CACNA1H: variants seen among roughly 807,000 people sequenced by gnomAD.
CACNA1H encodes calcium voltage-gated channel subunit alpha1 H, also known as voltage-dependent T-type calcium channel subunit alpha-1H.
Under a neutral mutation model 192.5 loss-of-function variants are expected in CACNA1H, and 149 were observed. That is an observed-to-expected ratio of 0.77 (90% CI 0.68 to 0.89). CACNA1H has a LOEUF of 0.89. CACNA1H is among the 40% of genes least tolerant of loss of function. CACNA1H has a pLI of 0.00. For missense variants in CACNA1H, 4,257 were observed against 3,423.5 expected, an observed-to-expected ratio of 1.24 and a Z score of -6.08; for synonymous variants, 2,202 against 1,475.2, an observed-to-expected ratio of 1.49 and a Z score of -11.29.
intron 2 of CACNA1H, among the ~76,000 whole-genome samples, chr16:1,168,189 G>C (rs538743849): frequency 2.0e-5 from 3 of 149,902 alleles, no homozygotes; most frequent in Non-Finnish European, 4.4e-5. Context: ...CGGTTGATGT[G>C]GGATCCCCCC....
chr16:1,189,062 G>A (rs1026022100), intron 2 of CACNA1H, among the ~76,000 whole-genome samples: 2 of 148,614 alleles, frequency 1.3e-5, no homozygotes, highest in African/African-American at 5.3e-5. Context: ...TGCCCATGTG[G>A]GAAGGGGAGC....
chr16:1,153,857 G>A lies in CACNA1H; in HGVS notation c.120G>A (p.Ala40=). 2 of 1,343,862 alleles carry A rather than the reference G, an allele frequency of 1.5e-6. No individual in the cohort carries two copies. The highest frequency in any genetic ancestry group is 3.5e-5 in the South Asian group (2 of 56,370). 83.2% of individuals were successfully genotyped at this position (1,343,862 alleles called of 1,614,324 possible). The change falls in exon 2 of 35, where the codon GCG becomes GCA. Residue 40 remains alanine, a synonymous_variant. Coordinates refer to ENST00000348261, the MANE Select transcript of CACNA1H (RefSeq NM_021098.3). The part of the protein sequence containing the change: ...PESPGAPGRE[A]ERGSELGVSP... ...GCCCCGGGGCGCCGGGACGCGAGGC[G>A]GAGCGGGGGTCCGAGCTCGGCGTGT...
At chr16:1,158,291 C>T (rs377151796) in intron 2 of CACNA1H, among the ~76,000 whole-genome samples, 247 of 152,262 alleles carry the variant, frequency 1.6e-3, no homozygotes, top group African/African-American at 5.7e-3. Flanking sequence ...GGCCTTCCCA[C>T]TCACCAAGAG....
At chr16:1,206,405 A>G (rs1968716498) in intron 12 of CACNA1H, 116 bp downstream of exon 12, 2 of 926,954 alleles carry the variant, frequency 2.2e-6, no homozygotes. Context: ...GCCCCAGAGC[A>G]TCTGCAGACA....
chr16:1,194,338 A>G (rs1284238781), intron 2 of CACNA1H, among the ~76,000 whole-genome samples: 4 of 152,134 alleles, frequency 2.6e-5, no homozygotes, highest in African/African-American at 7.2e-5. Context: ...TACCTTAAGG[A>G]AGGTCCCTCC....
rs765181693 is a variant in CACNA1H, at chr16:1,154,036, C to G, written c.299C>G (p.Pro100Arg). ...RSWCLRLVCNPWFEHVSMLVI... is the reference protein window; with the variant it reads ...RSWCLRLVCNRWFEHVSMLVI... ...TGGTGCCTCCGGCTGGTCTGCAACCCATATCCTTCCCGGCCGGCGGGGGGC... is the reference window on the plus strand; with the variant it reads ...TGGTGCCTCCGGCTGGTCTGCAACCGATATCCTTCCCGGCCGGCGGGGGGC... The change falls in exon 2 of 35, where the codon CCA becomes CGA. Residue 100 changes from proline to arginine, a missense_variant and splice_region_variant. By Grantham distance (103) the Pro-to-Arg change is moderately radical. Transcript: ENST00000348261. 2.3e-6 allele frequency: 3 copies of G among 1,298,222 alleles called. No homozygotes were observed. The South Asian group carries it at 6.4e-5, about 28-fold the overall frequency. 80.4% of individuals were successfully genotyped at this position (1,298,222 alleles called of 1,614,324 possible).
Position 1,220,736 on chromosome 16 carries a change from T to C in CACNA1H, c.6804T>C (p.Phe2268=), listed in dbSNP as rs766207096. The change falls in exon 35 of 35, where the codon TTT becomes TTC. Residue 2268 remains phenylalanine, a synonymous_variant. Transcript: ENST00000348261. ...ACCTGACCGTCCCCAGCTTTGCCTT[T>C]GAGCCGCTGGACCTCGGGGTCCCCA... The part of the protein sequence containing the change: ...AEHLTVPSFA[F]EPLDLGVPSG... 1 of 1,612,218 alleles carries C rather than the reference T, an allele frequency of 6.2e-7. No homozygotes were observed. Among genetic ancestry groups the C allele is most frequent in the Non-Finnish European group, 8.5e-7 (1 of 1,179,694 alleles).
intron 27 of CACNA1H, 81 bp from the exon 28 acceptor site, chr16:1,214,891 A>C: frequency 9.3e-7 from 1 of 1,069,792 alleles, no homozygotes. Flanking sequence ...CAGCGGGGGC[A>C]CTCGGGCGTG....
chr16:1,174,795 C>G (rs1400380528), intron 2 of CACNA1H, among the ~76,000 whole-genome samples: 6 of 152,246 alleles, frequency 3.9e-5, no homozygotes, highest in African/African-American at 1.4e-4. Context: ...TCGATTCAGA[C>G]ATGGACGAGA....
intron 2 of CACNA1H, among the ~76,000 whole-genome samples, chr16:1,156,232 A>G (rs946969685): frequency 7.2e-5 from 11 of 152,148 alleles, no homozygotes; most frequent in Middle Eastern, 3.2e-3. Flanking sequence ...CCACTCCAGG[A>G]GACATGGGAA....
In CACNA1H at chr16:1,187,366, C is replaced by T. The variant is rs531836695; in HGVS notation, c.300-7606C>T. On this transcript the variant is annotated intron_variant, in intron 2 of 34. Transcript: ENST00000348261. ...GGCTAAGAGTCCTGGTTGCCTGTGACCTCAGCTGCAGTCTGTGCCCTGCAA... is the reference window on the plus strand; with the variant it reads ...GGCTAAGAGTCCTGGTTGCCTGTGATCTCAGCTGCAGTCTGTGCCCTGCAA... Among the ~76,000 whole-genome samples the T allele has an allele frequency of 2.0e-5, 3 of 152,322 alleles. No individual in the cohort carries two copies. In the South Asian group the frequency reaches 6.2e-4, roughly 32 times the overall value.
intron 9 of CACNA1H, 51 bp downstream of exon 9, chr16:1,202,503 C>T (rs1041574844): frequency 1.8e-5 from 26 of 1,417,464 alleles, no homozygotes; most frequent in Middle Eastern, 1.9e-4. Flanking sequence ...CTAGGCAGGG[C>T]GGGCAGGGTC....
rs371573041 is a variant in CACNA1H, at chr16:1,218,552, G to A, written c.5788G>A (p.Asp1930Asn). The A allele has an allele frequency of 9.6e-6, 15 of 1,561,844 alleles. No individual in the cohort carries two copies. The highest frequency in any genetic ancestry group is 3.8e-5 in the Admixed American group (2 of 52,354). ...GTCCAGGATGCTCTCGCTGCCCAAC[G>A]ACAGCTACATGTTCAGGCCCGTGGT... is the stretch of plus-strand genomic sequence containing the variant. ...SVSRMLSLPNDSYMFRPVVPA... is the reference protein window; with the variant it reads ...SVSRMLSLPNNSYMFRPVVPA... Residue 1930 changes from aspartate (D) to asparagine (N), a missense_variant, in exon 33 of 35, where the codon GAC becomes AAC. Asp to Asn is a conservative substitution (Grantham distance 23). Transcript: ENST00000348261.
chr16:1,154,980 C>G (rs531383527), intron 2 of CACNA1H, among the ~76,000 whole-genome samples: 39 of 152,318 alleles, frequency 2.6e-4, no homozygotes, highest in Admixed American at 4.6e-4. Flanking sequence ...GGCTTCTGCT[C>G]CGGGCCTGGG....
chr16:1,197,887 G>A (rs983260040), intron 5 of CACNA1H, among the ~76,000 whole-genome samples: 2 of 152,168 alleles, frequency 1.3e-5, no homozygotes, highest in African/African-American at 2.4e-5. Flanking sequence ...AGCGAGGGGC[G>A]CGTGGGGCTT....
chr16:1,200,637 C>A (rs1049787128), intron 7 of CACNA1H, 66 bp downstream of exon 7: 13 of 1,592,210 alleles, frequency 8.2e-6, no homozygotes, highest in African/African-American at 4.0e-5. Context: ...AGGACTCGCC[C>A]CCCCCAGCCC....
chr16:1,188,923 C>G (rs760894016), intron 2 of CACNA1H, among the ~76,000 whole-genome samples: 2 of 152,236 alleles, frequency 1.3e-5, no homozygotes, highest in Non-Finnish European at 1.5e-5. Context: ...CCTGCGTCCA[C>G]ACCTCCTGGC....
At chr16:1,196,709 T>C (rs528676047) in intron 5 of CACNA1H, among the ~76,000 whole-genome samples, 29 of 152,276 alleles carry the variant, frequency 1.9e-4, no homozygotes, top group Non-Finnish European at 3.5e-4. Flanking sequence ...GTGTGTCTGC[T>C]GTGCGCTGGG....
chr16:1,176,526 T>C (rs935296081), intron 2 of CACNA1H, among the ~76,000 whole-genome samples: 2 of 152,304 alleles, frequency 1.3e-5, no homozygotes, highest in Admixed American at 1.3e-4. Context: ...GGCCAGTACT[T>C]CCCCCCATGC....
Sources: gnomAD v4.1 joint callset for allele counts (sites outside exome capture counted in the v4.1 genomes callset) on GRCh38, gnomAD v4.1.1 for gene constraint, MANE v1.5 for transcripts, NCBI Gene and HGNC (gene_info 2026-07-23, HGNC 2026-07-21) for gene names.